PRKD3: variants seen among roughly 807,000 people sequenced by gnomAD.
PRKD3 encodes protein kinase D3.
Under a neutral mutation model 99.2 loss-of-function variants are expected in PRKD3, and 47 were observed. That is an observed-to-expected ratio of 0.47 (90% CI 0.38 to 0.60). PRKD3 has a LOEUF of 0.60. PRKD3 is among the 20% of genes least tolerant of loss of function. The probability of loss-of-function intolerance (pLI) is 0.00; values close to 1 mark genes in which losing one functional copy is unlikely to be tolerated. For synonymous variants in PRKD3, 392 were observed against 355.4 expected (o/e 1.10, Z -1.16); for missense variants, 1,019 against 1,088.4 (o/e 0.94, Z 0.90).
At chr2:37,274,023 A>G (rs1669436656) in intron 11 of PRKD3, among the ~76,000 whole-genome samples, 1 of 152,238 alleles carries the variant, frequency 6.6e-6, no homozygotes, top group African/African-American at 2.4e-5. Flanking sequence ...CAAAATATTA[A>G]TACCAGTAGC....
At chr2:37,314,976 T>A (rs1318189877) in intron 2 of PRKD3, among the ~76,000 whole-genome samples, 1 of 141,130 alleles carries the variant, frequency 7.1e-6, no homozygotes, top group Non-Finnish European at 1.5e-5. Flanking sequence ...TAGGTCATTT[T>A]CACAAACTGC....
chr2:37,324,064 C>G, intron 1 of PRKD3: 1 of 432,332 alleles, frequency 2.3e-6, no homozygotes, highest in Non-Finnish European at 3.1e-6. Context: ...GAAACAGTGG[C>G]ACTCCTCAGT....
chr2:37,253,017 T>A lies in PRKD3; in HGVS notation c.*160A>T. Reference sequence around the variant, plus strand: ...TTCTTATTATTCAGTTTCCCGCCTGTACCTACTCATTATGAACTACAGTAC... The same window carrying A: ...TTCTTATTATTCAGTTTCCCGCCTGAACCTACTCATTATGAACTACAGTAC... On this transcript the variant is annotated 3_prime_UTR_variant, in exon 19 of 19. Transcript: ENST00000234179. The A allele has an allele frequency of 1.6e-6, 1 of 618,624 alleles. No individual in the cohort carries two copies. Among genetic ancestry groups the A allele is most frequent in the Non-Finnish European group, 2.5e-6 (1 of 401,954 alleles). 38.3% of individuals were successfully genotyped at this position (618,624 alleles called of 1,614,324 possible). A position where few individuals can be genotyped will look rare whatever the true frequency, so the allele number is the denominator to read the frequency against.
At chr2:37,278,061 A>T (rs1278169033) in intron 8 of PRKD3, 72 bp from the exon 9 acceptor site, 10 of 1,333,152 alleles carry the variant, frequency 7.5e-6, no homozygotes, top group Non-Finnish European at 1.0e-5. Flanking sequence ...AGGAACATGA[A>T]GCCTTTTTAA....
chr2:37,307,556 G>A (rs991980115), intron 2 of PRKD3, among the ~76,000 whole-genome samples: 1 of 152,142 alleles, frequency 6.6e-6, no homozygotes, highest in Non-Finnish European at 1.5e-5. Flanking sequence ...TGTATTTCCA[G>A]TATCATGTTT....
At chr2:37,317,753 C>T (rs1476496140) in intron 1 of PRKD3, 1 of 152,072 alleles carries the variant, frequency 6.6e-6, no homozygotes, top group Admixed American at 6.6e-5. Flanking sequence ...AGCTGACATA[C>T]TTATCACAGG....
At position 37,279,948 on chromosome 2, in the gene PRKD3, A is replaced by G. The variant is rs775545798; in HGVS notation, c.989-19T>C. On this transcript the variant is annotated intron_variant, in intron 7 of 18. Coordinates refer to ENST00000234179, the MANE Select transcript of PRKD3 (RefSeq NM_005813.6). ...GAAGGTTCTGGGAAAATTTTAAATG[A>G]ATTTCAGAGTTTTATATTAATAGAG... The G allele has an allele frequency of 1.7e-5, 26 of 1,541,268 alleles. No homozygotes were observed. The South Asian group carries it at 2.8e-4, about 16-fold the overall frequency.
rs1667612720 is a variant in PRKD3 at position 37,252,847 on chromosome 2, T to TATATATATATATATA, written c.*329_*330insTATATATATATATAT. On this transcript the variant is annotated 3_prime_UTR_variant, in exon 19 of 19. Transcript: ENST00000234179. ...AAAACAAACAAACATATATTTATAT[T>TATATATATATATATA]TATATATATATATATAAAGAGAAAT... 5.5e-5 allele frequency: 8 copies of TATATATATATATATA among 145,032 alleles called. No homozygotes were observed. In the South Asian group the frequency reaches 6.6e-4, roughly 12 times the overall value. 9.0% of individuals were successfully genotyped at this position (145,032 alleles called of 1,614,324 possible).
At chr2:37,306,827 TG>T (rs1481194040) in intron 2 of PRKD3, among the ~76,000 whole-genome samples, 1 of 151,940 alleles carries the variant, frequency 6.6e-6, no homozygotes, top group African/African-American at 2.4e-5. Context: ...AAAACAAAAA[TG>T]CCCAGGCAAA....
At chr2:37,289,637 A>G (rs1379188865) in intron 4 of PRKD3, 124 bp from the exon 5 acceptor site, 1 of 763,376 alleles carries the variant, frequency 1.3e-6, no homozygotes, top group East Asian at 2.8e-5. Flanking sequence ...TATCCTAATT[A>G]AGAACCCAGA....
intron 2 of PRKD3, among the ~76,000 whole-genome samples, chr2:37,306,586 A>G (rs751172293): frequency 4.6e-5 from 7 of 152,156 alleles, no homozygotes; most frequent in Non-Finnish European, 8.8e-5. Context: ...AGGTGGAGGG[A>G]ACGCTTGAGC....
At chr2:37,255,562 C>T (rs908616497) in intron 17 of PRKD3, among the ~76,000 whole-genome samples, 1 of 152,052 alleles carries the variant, frequency 6.6e-6, no homozygotes, top group African/African-American at 2.4e-5. Context: ...CAGCAGAGGT[C>T]CACAGGAGAG....
chr2:37,262,208 T>C (rs1668516561), intron 14 of PRKD3, among the ~76,000 whole-genome samples: 1 of 152,220 alleles, frequency 6.6e-6, no homozygotes, highest in African/African-American at 2.4e-5. Context: ...TCACATGTTT[T>C]TGGCCTATGT....
At chr2:37,324,298 T>G in intron 1 of PRKD3, 4 of 873,986 alleles carry the variant, frequency 4.6e-6, no homozygotes, top group Non-Finnish European at 5.5e-6. Flanking sequence ...GGGAACTAGT[T>G]TGGGAGACCC....
intron 5 of PRKD3, 41 bp from the exon 6 acceptor site, chr2:37,286,410 A>G (rs937001682): frequency 1.2e-5 from 18 of 1,544,784 alleles, no homozygotes; most frequent in Admixed American, 1.7e-5. Flanking sequence ...GTCAATATTA[A>G]AAACAGAGTA....
chr2:37,277,979 T>G lies in PRKD3; in HGVS notation c.1183A>C (p.Ser395Arg), dbSNP rs1175503806. ...ACCCTCATTAGCGGAATATTATTGC[T>G]TGTTGATGGACTAAAAAATATTTAA... is the stretch of plus-strand genomic sequence containing the variant. ...EAVKTISPSTSNNIPLMRVVQ... is the reference protein window; with the variant it reads ...EAVKTISPSTRNNIPLMRVVQ... Residue 395 changes from serine (S) to arginine (R), a missense_variant, in exon 9 of 19, where the codon AGC (serine) becomes CGC (arginine). This residue lies in a region of PRKD3 where 710 missense variants were observed against 692.7 expected (regional missense o/e 1.02). Coordinates refer to ENST00000234179, the MANE Select transcript of PRKD3 (RefSeq NM_005813.6). The G allele has an allele frequency of 1.9e-6, 3 of 1,601,416 alleles. No individual in the cohort carries two copies. In the African/African-American group the frequency reaches 4.0e-5, roughly 21 times the overall value.
Position 37,256,656 on chromosome 2 carries a change from T to TC in PRKD3, c.2413+5_2413+6insG. 1 of 1,260,270 alleles carries TC rather than the reference T, an allele frequency of 7.9e-7. No individual in the cohort carries two copies. The highest frequency in any genetic ancestry group is 1.0e-6 in the Non-Finnish European group (1 of 961,360). 78.1% of individuals were successfully genotyped at this position (1,260,270 alleles called of 1,614,324 possible). On this transcript the variant is annotated splice_donor_region_variant and intron_variant, in intron 17 of 18. Transcript: ENST00000234179. The stretch of plus-strand genomic sequence containing the variant: ...TTTTTTTTTTTTTTTTTTTTTTTTT[T>TC]TTTACCTTCACCAGAAATTTCTCTC...
intron 2 of PRKD3, among the ~76,000 whole-genome samples, chr2:37,315,289 A>G (rs1671609803): frequency 6.6e-6 from 1 of 152,236 alleles, no homozygotes; most frequent in African/African-American, 2.4e-5. Context: ...ATATTTAGCT[A>G]AAGTTCCTTA....
intron 2 of PRKD3, among the ~76,000 whole-genome samples, chr2:37,294,838 G>A (rs1162665838): frequency 1.3e-5 from 2 of 152,206 alleles, no homozygotes; most frequent in Non-Finnish European, 2.9e-5. Flanking sequence ...ACTTTGGAAG[G>A]CCAAGGCAGG....
Sources: gnomAD v4.1 joint callset for allele counts (sites outside exome capture counted in the v4.1 genomes callset) on GRCh38, gnomAD v4.1.1 for gene constraint, gnomAD v4.1.1 regional missense constraint, MANE v1.5 for transcripts, NCBI Gene and HGNC (gene_info 2026-07-23, HGNC 2026-07-21) for gene names.